The following SH3PXD2A variants were observed in gnomAD, a reference collection of about 807,000 sequenced individuals.
SH3PXD2A encodes SH3 and PX domains 2A, also known as SH3 and PX domain-containing protein 2A.
A neutral mutation model predicts 115.2 loss-of-function variants in SH3PXD2A; 32 were observed. The ratio of observed to expected loss-of-function variants is 0.28; its 90% CI spans 0.21 to 0.37. The LOEUF is 0.37. Ranked by LOEUF, SH3PXD2A falls within the 10% of genes least tolerant of loss-of-function variation. The pLI is 1.00. For synonymous variants in SH3PXD2A, 610 were observed against 629.1 expected (o/e 0.97, Z 0.45); for missense variants, 1,328 against 1,498.7 (o/e 0.89, Z 1.88).
chr10:103,814,465 G>A (rs77353654), intron 1 of SH3PXD2A, among the ~76,000 whole-genome samples: 4,690 of 152,316 alleles, frequency 0.031, 131 homozygotes, highest in South Asian at 0.072. Context: ...TGGATAACGA[G>A]TGCCAGCGAT....
At chr10:103,832,370 G>GA (rs58886791) in intron 1 of SH3PXD2A, among the ~76,000 whole-genome samples, 67,354 of 127,888 alleles carry the variant, frequency 0.53, 15,966 homozygotes, top group Non-Finnish European at 0.57. Flanking sequence ...AACCTAAAAA[G>GA]AAAAAAAAAA....
intron 9 of SH3PXD2A, 126 bp downstream of exon 9, chr10:103,626,963 C>A: frequency 1.6e-6 from 1 of 619,270 alleles, no homozygotes; most frequent in South Asian, 1.9e-5. Flanking sequence ...GAGATGGGAT[C>A]CCAAGGGAGG....
At chr10:103,750,316 G>T (rs1348940363) in intron 3 of SH3PXD2A, among the ~76,000 whole-genome samples, 1 of 152,200 alleles carries the variant, frequency 6.6e-6, no homozygotes, top group East Asian at 1.9e-4. Flanking sequence ...GCCTACAAAA[G>T]TGCTGGGATT....
At chr10:103,745,944 C>T (rs967624981) in intron 3 of SH3PXD2A, 2 of 152,332 alleles carry the variant, frequency 1.3e-5, no homozygotes, top group African/African-American at 4.8e-5. Context: ...CTCCCCACTC[C>T]CTCTCCCACA....
intron 4 of SH3PXD2A, among the ~76,000 whole-genome samples, chr10:103,733,788 T>A (rs1003479063): frequency 6.6e-6 from 1 of 152,190 alleles, no homozygotes; most frequent in African/African-American, 2.4e-5. Context: ...TTTATTTTTT[T>A]AGGGACAGGA....
intron 4 of SH3PXD2A, among the ~76,000 whole-genome samples, chr10:103,730,886 G>A (rs188184089): frequency 1.2e-4 from 18 of 152,316 alleles, no homozygotes; most frequent in Admixed American, 1.2e-3. Context: ...AGAATGGCAG[G>A]AGTGATCAGC....
At position 103,602,746 on chromosome 10, in the gene SH3PXD2A, G is replaced by C. The variant is rs373424834; in HGVS notation, c.2472C>G (p.Thr824=). Residue 824 remains threonine (T), a synonymous_variant, in exon 15 of 15, where the codon ACC becomes ACG. Coordinates refer to ENST00000369774, the MANE Select transcript of SH3PXD2A (RefSeq NM_001394015.1). ...GACATGGGGGAGTGGTGGCTGGGAGGGTGATGAGGTCGGATGAGCTTCTCC... is the reference window on the plus strand; with the variant it reads ...GACATGGGGGAGTGGTGGCTGGGAGCGTGATGAGGTCGGATGAGCTTCTCC... The part of the protein sequence containing the change: ...GSRRSSSDLI[T]LPATTPPCPT... 3.7e-6 allele frequency: 6 copies of C among 1,614,046 alleles called. No individual in the cohort carries two copies. The highest frequency in any genetic ancestry group is 5.1e-6 in the Non-Finnish European group (6 of 1,179,972).
intron 1 of SH3PXD2A, among the ~76,000 whole-genome samples, chr10:103,818,878 G>T (rs181949083): frequency 3.3e-5 from 5 of 152,132 alleles, no homozygotes; most frequent in Admixed American, 2.0e-4. Context: ...CCTTTACAAG[G>T]CACCTGCAAC....
At chr10:103,697,773 T>C (rs1287914498) in intron 5 of SH3PXD2A, among the ~76,000 whole-genome samples, 1 of 152,138 alleles carries the variant, frequency 6.6e-6, no homozygotes, top group African/African-American at 2.4e-5. Context: ...CCCCGGATGC[T>C]CTAGTGAAAT....
Position 103,693,070 on chromosome 10 carries a change from A to G in SH3PXD2A, c.399-14T>C. 1 of 1,613,104 alleles carries G rather than the reference A, an allele frequency of 6.2e-7. No individual in the cohort carries two copies. Among genetic ancestry groups the G allele is most frequent in the Middle Eastern group, 1.7e-4 (1 of 6,056 alleles). On this transcript the variant is annotated splice_polypyrimidine_tract_variant and intron_variant, in intron 5 of 14. Coordinates refer to ENST00000369774, the MANE Select transcript of SH3PXD2A (RefSeq NM_001394015.1). ...CTGCCATAGTCCCTGAAAAAGAAGCAACAACAGATAGACATGGTTAGGGCC... is the reference window on the plus strand; with the variant it reads ...CTGCCATAGTCCCTGAAAAAGAAGCGACAACAGATAGACATGGTTAGGGCC...
At chr10:103,787,590 G>GA (rs983640688) in intron 2 of SH3PXD2A, among the ~76,000 whole-genome samples, 1 of 152,104 alleles carries the variant, frequency 6.6e-6, no homozygotes, top group African/African-American at 2.4e-5. Context: ...GGGAAACCCA[G>GA]AAAAAAACCA....
chr10:103,821,142 CTTTTTTTTTTT>C (rs5787500), intron 1 of SH3PXD2A, among the ~76,000 whole-genome samples: 1 of 100,316 alleles, frequency 1.0e-5, no homozygotes, highest in Non-Finnish European at 2.0e-5. Flanking sequence ...GTCGTTCATT[CTTTTTTTTTTT>C]TTTTTTTTTG....
Position 103,603,746 on chromosome 10 carries a change from C to T in SH3PXD2A, c.1472G>A (p.Gly491Asp), listed in dbSNP as rs941171217. ...TGCGGGGGCCCAGCCCTCCTTCTCA[C>T]CGATCTGCACGTACCACCAGCCACC... ...NSGGWWYVQI[G>D]EKEGWAPASY... is the part of the protein sequence containing the mutation. The change falls in exon 15 of 15, where the codon GGT becomes GAT. Residue 491 changes from glycine (G) to aspartate (D), a missense_variant. By Grantham distance (94) the Gly-to-Asp change is moderately conservative (BLOSUM62 -1). Around this residue, in one of 5 missense-constraint regions of SH3PXD2A, gnomAD observed 509 missense variants for 628.3 expected, o/e 0.81. Transcript: ENST00000369774. The T allele has an allele frequency of 1.2e-6, 2 of 1,610,798 alleles. No homozygotes were observed. Among genetic ancestry groups the T allele is most frequent in the African/African-American group, 2.7e-5 (2 of 74,910 alleles).
chr10:103,657,326 C>A (rs751084738), intron 8 of SH3PXD2A, among the ~76,000 whole-genome samples: 5 of 152,194 alleles, frequency 3.3e-5, no homozygotes, highest in Admixed American at 6.5e-5. Flanking sequence ...ACACACAAAT[C>A]AGAGTGACCA....
At chr10:103,662,079 C>CA (rs1398350127) in intron 7 of SH3PXD2A, 2 of 532,682 alleles carry the variant, frequency 3.8e-6, no homozygotes, top group African/African-American at 4.1e-5. Flanking sequence ...CTCTGCCTTT[C>CA]AGTGCCGGGG....
At chr10:103,783,558 C>A (rs1375297271) in intron 2 of SH3PXD2A, among the ~76,000 whole-genome samples, 1 of 152,200 alleles carries the variant, frequency 6.6e-6, no homozygotes, top group Non-Finnish European at 1.5e-5. Context: ...GTTTGAATCC[C>A]TTTTGGCATC....
intron 3 of SH3PXD2A, among the ~76,000 whole-genome samples, chr10:103,760,178 A>G (rs2038685007): frequency 1.3e-5 from 2 of 152,290 alleles, no homozygotes; most frequent in East Asian, 1.9e-4. Flanking sequence ...CTCCCCTCCT[A>G]TAAAGTAACT....
At chr10:103,818,378 C>T (rs900249350) in intron 1 of SH3PXD2A, among the ~76,000 whole-genome samples, 33 of 152,316 alleles carry the variant, frequency 2.2e-4, no homozygotes, top group African/African-American at 7.5e-4. Flanking sequence ...TCACATTGCC[C>T]ATCACCAACT....
rs376132875 is a variant in SH3PXD2A at position 103,698,438 on chromosome 10, C to A, written c.399-5382G>T. 7.9e-5 allele frequency among the ~76,000 whole-genome samples: 12 copies of A among 152,352 alleles called. No homozygotes were observed. In the East Asian group the frequency reaches 2.3e-3, roughly 29 times the overall value. On this transcript the variant is annotated intron_variant, in intron 5 of 14. Coordinates refer to ENST00000369774, the MANE Select transcript of SH3PXD2A (RefSeq NM_001394015.1). ...GCCAGCTGACATTGGCTGCTGGGCC[C>A]AGGATGCCTGTCTGCGGGGCCTACA...
Sources: allele counts gnomAD v4.1 joint callset (sites outside exome capture counted in the v4.1 genomes callset), GRCh38; gene constraint gnomAD v4.1.1; regional missense constraint gnomAD v4.1.1; transcripts MANE v1.5; gene names NCBI Gene and HGNC (gene_info 2026-07-23, HGNC 2026-07-21).